Variants in GALNT13 observed in about 807,000 individuals in gnomAD.
The protein encoded by GALNT13 is polypeptide N-acetylgalactosaminyltransferase 13.
A neutral mutation model predicts 64.2 loss-of-function variants in GALNT13; 28 were observed. The observed-to-expected ratio is 0.44, with a 90% CI of 0.32 to 0.60. GALNT13 has a LOEUF of 0.60. Ranked by LOEUF, GALNT13 falls within the 20% of genes least tolerant of loss-of-function variation. GALNT13 has a pLI of 0.05. For synonymous variants in GALNT13, 214 were observed against 224.6 expected, an observed-to-expected ratio of 0.95 and a Z score of 0.42; for missense variants, 577 against 669.8, an observed-to-expected ratio of 0.86 and a Z score of 1.53.
chr2:153,372,573 G>T, the GALNT13 span, among the ~76,000 whole-genome samples: 1 of 152,024 alleles, frequency 6.6e-6, no homozygotes, highest in Non-Finnish European at 1.5e-5. Flanking sequence ...TTGAACCAGG[G>T]GGGCAGAGGT....
intron 3 of GALNT13, among the ~76,000 whole-genome samples, chr2:153,984,838 G>T (rs1185990893): frequency 6.6e-6 from 1 of 151,440 alleles, no homozygotes; most frequent in African/African-American, 2.4e-5. Flanking sequence ...ACACTATCAG[G>T]TTCACTGATC....
At chr2:153,441,351 C>G in the GALNT13 span, among the ~76,000 whole-genome samples, 1 of 152,244 alleles carries the variant, frequency 6.6e-6, no homozygotes, top group South Asian at 2.1e-4. Context: ...GTTACTGTAG[C>G]CTTGTAGTAT....
chr2:154,383,953 A>G (rs1317081800), intron 9 of GALNT13, among the ~76,000 whole-genome samples: 7 of 151,848 alleles, frequency 4.6e-5, no homozygotes, highest in African/African-American at 1.7e-4. Context: ...AGGGCACATG[A>G]CAGAGCTCTG....
At position 154,163,229 on chromosome 2, in the gene GALNT13, G is replaced by A. The variant is rs145567205; in HGVS notation, c.311+22724G>A. Among the ~76,000 whole-genome samples the A allele has an allele frequency of 4.8e-5, 7 of 146,154 alleles. No homozygotes were observed. In the East Asian group the frequency reaches 8.2e-4, roughly 17 times the overall value. ...TTCCCATCTATGAGTGAGAACGTGC[G>A]GTGTTTGGTTTTTTGTCCTTGCGAT... On this transcript the variant is annotated intron_variant, in intron 4 of 12. Transcript: ENST00000392825.
At chr2:153,642,287 T>C in the GALNT13 span, among the ~76,000 whole-genome samples, 1 of 151,946 alleles carries the variant, frequency 6.6e-6, no homozygotes, top group African/African-American at 2.4e-5. Flanking sequence ...CATGTGGTCT[T>C]GTTTGCTTGT....
At chr2:153,163,839 G>GA in the GALNT13 span, among the ~76,000 whole-genome samples, 3 of 151,992 alleles carry the variant, frequency 2.0e-5, no homozygotes, top group Non-Finnish European at 4.4e-5. Flanking sequence ...CTAACACGGT[G>GA]AAACCCCATC....
chr2:154,072,430 T>C (rs1340376510), intron 3 of GALNT13, among the ~76,000 whole-genome samples: 4 of 152,102 alleles, frequency 2.6e-5, no homozygotes, highest in Non-Finnish European at 5.9e-5. Context: ...TAGCTTATAG[T>C]TTGTTTTTTT....
the GALNT13 span, among the ~76,000 whole-genome samples, chr2:153,526,827 T>C: frequency 6.6e-6 from 1 of 151,734 alleles, no homozygotes; most frequent in Non-Finnish European, 1.5e-5. Context: ...TTCTATCAGA[T>C]AAAATGAAAA....
At chr2:153,487,559 A>G in the GALNT13 span, among the ~76,000 whole-genome samples, 363 of 152,354 alleles carry the variant, frequency 2.4e-3, 12 homozygotes, top group East Asian at 0.062. Context: ...AGGGAAGCAG[A>G]TCATGCAAAA....
At chr2:153,513,463 T>C in the GALNT13 span, among the ~76,000 whole-genome samples, 3 of 152,214 alleles carry the variant, frequency 2.0e-5, no homozygotes, top group African/African-American at 7.2e-5. Context: ...TCAATATCTA[T>C]GTCTATCTCC....
At chr2:154,327,456 G>A (rs1694938730) in intron 9 of GALNT13, among the ~76,000 whole-genome samples, 1 of 152,042 alleles carries the variant, frequency 6.6e-6, no homozygotes. Context: ...GATCCAAGTT[G>A]GGGATTTGCA....
chr2:154,384,787 T>A (rs1238090729), intron 9 of GALNT13, among the ~76,000 whole-genome samples: 7 of 152,004 alleles, frequency 4.6e-5, no homozygotes, highest in African/African-American at 1.7e-4. Context: ...CTTAAAATCA[T>A]GATTCAGTAT....
the GALNT13 span, among the ~76,000 whole-genome samples, chr2:153,835,749 T>C: frequency 1.3e-5 from 2 of 152,094 alleles, no homozygotes; most frequent in African/African-American, 4.8e-5. Context: ...CTTCCTGTCA[T>C]ATTAAAATAC....
the GALNT13 span, among the ~76,000 whole-genome samples, chr2:153,080,854 C>G: frequency 6.6e-6 from 1 of 151,840 alleles, no homozygotes; most frequent in African/African-American, 2.4e-5. Context: ...TGAATTATAC[C>G]TTTAGCATTT....
At chr2:153,221,552 T>G in the GALNT13 span, among the ~76,000 whole-genome samples, 1 of 152,200 alleles carries the variant, frequency 6.6e-6, no homozygotes, top group Admixed American at 6.5e-5. Context: ...TGGAAACCTC[T>G]GTGGCTGTGG....
the GALNT13 span, among the ~76,000 whole-genome samples, chr2:153,445,818 G>A: frequency 6.6e-6 from 1 of 152,154 alleles, no homozygotes; most frequent in African/African-American, 2.4e-5. Context: ...TGAATAATGA[G>A]CATATACATT....
chr2:153,259,892 T>C, the GALNT13 span, among the ~76,000 whole-genome samples: 5 of 152,220 alleles, frequency 3.3e-5, no homozygotes, highest in South Asian at 4.1e-4. Context: ...CTTTCTTTCC[T>C]TCCTGTCTTC....
At chr2:154,009,710 G>A (rs745638149) in intron 3 of GALNT13, among the ~76,000 whole-genome samples, 7 of 151,978 alleles carry the variant, frequency 4.6e-5, no homozygotes, top group African/African-American at 4.8e-5. Flanking sequence ...GGCTGGTCTC[G>A]AACTCCTGAC....
the GALNT13 span, among the ~76,000 whole-genome samples, chr2:153,639,548 T>C: frequency 1.3e-5 from 2 of 151,908 alleles, no homozygotes; most frequent in African/African-American, 2.4e-5. Context: ...GTGCAAGAAG[T>C]CAATGAGTGA....
Sources: allele counts gnomAD v4.1 joint callset (sites outside exome capture counted in the v4.1 genomes callset), GRCh38; gene constraint gnomAD v4.1.1; transcripts MANE v1.5; gene names NCBI Gene and HGNC (gene_info 2026-07-23, HGNC 2026-07-21).